AAK1: variants seen among roughly 807,000 people sequenced by gnomAD.
AAK1 encodes AP2-associated protein kinase 1.
In AAK1, 37 loss-of-function variants were observed where a neutral mutation model predicts 116.0. That is an observed-to-expected ratio of 0.32 (90% CI 0.25 to 0.42). The LOEUF is 0.42. Among genes scored for constraint, AAK1 ranks in the 10% least tolerant of loss-of-function variants. AAK1 has a pLI of 1.00. For synonymous variants in AAK1, 458 were observed against 439.9 expected (o/e 1.04, Z -0.51); for missense variants, 919 against 1,170.6 (o/e 0.79, Z 3.14).
At chr2:69,510,900 G>A (rs1381620147) in intron 13 of AAK1, among the ~76,000 whole-genome samples, 1 of 152,106 alleles carries the variant, frequency 6.6e-6, no homozygotes, top group Non-Finnish European at 1.5e-5. Flanking sequence ...AATAATACAA[G>A]GACTCTTGTG....
At chr2:69,593,201 T>C (rs1673111500) in intron 2 of AAK1, among the ~76,000 whole-genome samples, 1 of 152,180 alleles carries the variant, frequency 6.6e-6, no homozygotes, top group Non-Finnish European at 1.5e-5. Flanking sequence ...TGTAGAAGTA[T>C]ATATATTTAA....
chr2:69,589,363 G>A (rs1347504124), intron 2 of AAK1, among the ~76,000 whole-genome samples: 1 of 152,128 alleles, frequency 6.6e-6, no homozygotes, highest in Non-Finnish European at 1.5e-5. Flanking sequence ...AGGAAAAGGA[G>A]TCCTAGGGGC....
chr2:69,543,412 T>C (rs1572941183), intron 4 of AAK1, among the ~76,000 whole-genome samples: 1 of 152,126 alleles, frequency 6.6e-6, no homozygotes, highest in Non-Finnish European at 1.5e-5. Context: ...TTATGGATAG[T>C]ATCTTCTTTT....
chr2:69,553,795 G>A (rs1671283762), intron 3 of AAK1, among the ~76,000 whole-genome samples: 1 of 151,706 alleles, frequency 6.6e-6, no homozygotes, highest in Non-Finnish European at 1.5e-5. Flanking sequence ...AGCTACTGAG[G>A]CTGGGCATAG....
At chr2:69,598,110 T>A in intron 2 of AAK1, 1 of 1,115,322 alleles carries the variant, frequency 9.0e-7, no homozygotes, top group Non-Finnish European at 1.2e-6. Flanking sequence ...TATAATAACA[T>A]GACCTTGAAA....
chr2:69,469,539 C>T lies in AAK1; in HGVS notation c.*6330G>A. The T allele has an allele frequency of 2.0e-6, 2 of 985,408 alleles. No homozygotes were observed. The highest frequency in any genetic ancestry group is 2.4e-6 in the Non-Finnish European group (2 of 829,934). The allele number at this position is 985,408 out of a possible 1,614,324, so 61.0% of individuals were successfully genotyped here. ...CATTGAAGGATTTATACTAACCTAA[C>T]CACATGCCTTGACCCAGTTCCTTTG... is the stretch of plus-strand genomic sequence containing the variant. On this transcript the variant is annotated 3_prime_UTR_variant, in exon 22 of 22. Transcript: ENST00000409085.
Position 69,466,560 on chromosome 2 carries a change from G to C in AAK1, c.*9309C>G. 5.9e-6 allele frequency: 7 copies of C among 1,179,786 alleles called. No homozygotes were observed. Among genetic ancestry groups the C allele is most frequent in the African/African-American group, 4.8e-5 (3 of 62,526 alleles). The allele number at this position is 1,179,786 out of a possible 1,614,324, so 73.1% of individuals were successfully genotyped here. A position where few individuals can be genotyped will look rare whatever the true frequency, so the allele number is the denominator to read the frequency against. On this transcript the variant is annotated 3_prime_UTR_variant, in exon 22 of 22. Transcript: ENST00000409085. ...GGACTCCCTCTGGAGATCTAGAAAA[G>C]CATAAAATGCAGAATTAATGTGTAG...
intron 2 of AAK1, among the ~76,000 whole-genome samples, chr2:69,629,574 T>C (rs1019822264): frequency 1.3e-5 from 2 of 152,212 alleles, no homozygotes; most frequent in African/African-American, 4.8e-5. Context: ...GTTCTTATTG[T>C]AATAAGCGAG....
chr2:69,523,382 A>C (rs962893303), intron 10 of AAK1, among the ~76,000 whole-genome samples: 3 of 152,244 alleles, frequency 2.0e-5, no homozygotes, highest in Non-Finnish European at 4.4e-5. Flanking sequence ...ACGTTTATTA[A>C]AAATCAAAGT....
intron 2 of AAK1, among the ~76,000 whole-genome samples, chr2:69,602,912 G>A (rs1434228265): frequency 6.6e-6 from 1 of 152,116 alleles, no homozygotes; most frequent in Non-Finnish European, 1.5e-5. Context: ...CCAAAACTCT[G>A]GCATTCAGTA....
chr2:69,515,089 G>C (rs1266819614), intron 12 of AAK1, among the ~76,000 whole-genome samples: 2 of 152,292 alleles, frequency 1.3e-5, no homozygotes, highest in East Asian at 1.9e-4. Flanking sequence ...GCTAATAAAC[G>C]ATCTCCTAAT....
chr2:69,545,533 G>GT (rs753138754), intron 3 of AAK1, among the ~76,000 whole-genome samples: 1 of 152,162 alleles, frequency 6.6e-6, no homozygotes, highest in Non-Finnish European at 1.5e-5. Flanking sequence ...AGTTTGGACC[G>GT]TGAGAACAGA....
chr2:69,478,689 A>G (rs1674961375), intron 20 of AAK1: 1 of 349,934 alleles, frequency 2.9e-6, no homozygotes. Flanking sequence ...CCTAGGCTCA[A>G]GTGATCCTCC....
At chr2:69,593,646 T>C (rs958257706) in intron 2 of AAK1, among the ~76,000 whole-genome samples, 1 of 152,222 alleles carries the variant, frequency 6.6e-6, no homozygotes, top group East Asian at 1.9e-4. Context: ...TTTTCTTTCA[T>C]GTTTCTAAAT....
intron 2 of AAK1, among the ~76,000 whole-genome samples, chr2:69,633,474 G>A (rs1468316476): frequency 6.6e-6 from 1 of 151,434 alleles, no homozygotes; most frequent in Non-Finnish European, 1.5e-5. Flanking sequence ...GGTGGTACGC[G>A]CCTGCAGTAC....
At chr2:69,524,402 C>A (rs1372676196) in intron 10 of AAK1, among the ~76,000 whole-genome samples, 5 of 146,962 alleles carry the variant, frequency 3.4e-5, no homozygotes, top group Non-Finnish European at 4.5e-5. Flanking sequence ...CTTGTACTAG[C>A]AACATTCTTT....
chr2:69,598,176 T>A, intron 2 of AAK1: 1 of 941,796 alleles, frequency 1.1e-6, no homozygotes, highest in East Asian at 3.0e-5. Context: ...AAGTACATCA[T>A]GAATACAGAC....
intron 2 of AAK1, among the ~76,000 whole-genome samples, chr2:69,600,269 T>C (rs144474155): frequency 7.3e-5 from 11 of 150,774 alleles, no homozygotes; most frequent in Non-Finnish European, 8.8e-5. Context: ...AAGATCCAAG[T>C]TGCATTCTTA....
At chr2:69,565,905 C>T (rs1430248354) in intron 2 of AAK1, among the ~76,000 whole-genome samples, 3 of 151,102 alleles carry the variant, frequency 2.0e-5, no homozygotes, top group East Asian at 3.9e-4. Flanking sequence ...GTCCTCTCCA[C>T]GGTGAGAGCT....
Sources: allele counts gnomAD v4.1 joint callset (sites outside exome capture counted in the v4.1 genomes callset), GRCh38; gene constraint gnomAD v4.1.1; transcripts MANE v1.5; gene names NCBI Gene and HGNC (gene_info 2026-07-23, HGNC 2026-07-21).